The following ARK2N variants were observed in gnomAD, a reference collection of about 807,000 sequenced individuals.
ARK2N encodes the protein arkadia (RNF111) N-terminal like PKA signaling regulator 2N.
At chr18:46,217,422 A>G in the ARK2N span, 5 of 152,324 alleles carry the variant, frequency 3.3e-5, no homozygotes, top group African/African-American at 1.2e-4. Flanking sequence ...TATGATCAGG[A>G]ACATTTTGTA....
the ARK2N span, chr18:46,264,855 G>C: frequency 6.7e-6 from 1 of 149,374 alleles, no homozygotes; most frequent in African/African-American, 2.5e-5. Flanking sequence ...GATCTTCTCT[G>C]ATAGCATCTC....
At chr18:46,181,912 T>A in the ARK2N span, among the ~76,000 whole-genome samples, 1 of 152,112 alleles carries the variant, frequency 6.6e-6, no homozygotes, top group African/African-American at 2.4e-5. Context: ...CTGGCTGAAA[T>A]TAAGTTTTTA....
the ARK2N span, chr18:46,173,919 A>C: frequency 6.6e-6 from 1 of 152,168 alleles, no homozygotes; most frequent in Admixed American, 6.5e-5. Context: ...CGCGGGTTCC[A>C]TCGCGCCAGA....
the ARK2N span, among the ~76,000 whole-genome samples, chr18:46,252,290 T>C: frequency 6.6e-6 from 1 of 152,100 alleles, no homozygotes. Context: ...TTCTTTTTTT[T>C]TTGAGACAGA....
chr18:46,188,980 C>T, the ARK2N span, among the ~76,000 whole-genome samples: 8 of 152,076 alleles, frequency 5.3e-5, no homozygotes, highest in Admixed American at 1.3e-4. Flanking sequence ...TTTGGGAGGC[C>T]GAGGCGGGTG....
the ARK2N span, among the ~76,000 whole-genome samples, chr18:46,181,133 G>C: frequency 1.4e-4 from 21 of 152,046 alleles, no homozygotes; most frequent in Middle Eastern, 6.3e-3. Context: ...GGTGGTGCAC[G>C]CCTGTAATCC....
the ARK2N span, among the ~76,000 whole-genome samples, chr18:46,260,446 C>G: frequency 4.6e-5 from 7 of 152,262 alleles, no homozygotes; most frequent in East Asian, 1.4e-3. Flanking sequence ...GTTGTTCCAT[C>G]ATCTTAGGCT....
At chr18:46,216,021 G>A in the ARK2N span, 344 of 1,614,036 alleles carry the variant, frequency 2.1e-4, 3 homozygotes, top group Non-Finnish European at 5.5e-5. This position sits in a 1 kb window ranked among gnomAD's most constrained non-coding sequence, Gnocchi z 4.3. Flanking sequence ...ATGGTGTAGC[G>A]GATTCTACAG....
At chr18:46,179,578 C>CAGGA in the ARK2N span, among the ~76,000 whole-genome samples, 3 of 151,730 alleles carry the variant, frequency 2.0e-5, no homozygotes, top group Admixed American at 6.6e-5. Flanking sequence ...AAGTAAGGAG[C>CAGGA]AGGAGCAGGG....
chr18:46,256,905 TAGGAGA>T, the ARK2N span, among the ~76,000 whole-genome samples: 1 of 152,190 alleles, frequency 6.6e-6, no homozygotes, highest in South Asian at 2.1e-4. Flanking sequence ...GAGAAGCAAG[TAGGAGA>T]AGAGGCTTTC....
chr18:46,217,380 G>T, the ARK2N span: 6 of 152,300 alleles, frequency 3.9e-5, no homozygotes. Context: ...TTCTTAAGTA[G>T]TGAATTCTTA....
chr18:46,254,581 CAT>C, the ARK2N span, among the ~76,000 whole-genome samples: 13 of 152,212 alleles, frequency 8.5e-5, no homozygotes, highest in East Asian at 9.7e-4. Flanking sequence ...TACTTTGTGA[CAT>C]GTGAAAATTA....
chr18:46,192,670 G>A, the ARK2N span, among the ~76,000 whole-genome samples: 16 of 151,578 alleles, frequency 1.1e-4, no homozygotes, highest in East Asian at 2.9e-3. Context: ...AGGTTCAAGC[G>A]ATTCTCCTGC....
At chr18:46,244,404 C>A in the ARK2N span, among the ~76,000 whole-genome samples, 18 of 152,098 alleles carry the variant, frequency 1.2e-4, 1 homozygote, top group South Asian at 2.5e-3. Flanking sequence ...CCCATCCTTA[C>A]AATAGGGATG....
the ARK2N span, chr18:46,231,829 A>ACTG: frequency 6.7e-6 from 1 of 150,266 alleles, no homozygotes; most frequent in Non-Finnish European, 1.5e-5. Flanking sequence ...ATCTCGGCTC[A>ACTG]CTGCAACCTC....
the ARK2N span, among the ~76,000 whole-genome samples, chr18:46,214,815 C>G: frequency 6.6e-6 from 1 of 152,128 alleles, no homozygotes; most frequent in Admixed American, 6.5e-5. Context: ...GATAAAACAT[C>G]TATTTAAACA....
chr18:46,198,417 C>T, the ARK2N span, among the ~76,000 whole-genome samples: 1 of 150,116 alleles, frequency 6.7e-6, no homozygotes, highest in Admixed American at 6.7e-5. Flanking sequence ...GTCCATAAAA[C>T]GAAGAACTAT....
the ARK2N span, among the ~76,000 whole-genome samples, chr18:46,213,082 A>G: frequency 7.0e-6 from 1 of 143,254 alleles, no homozygotes; most frequent in East Asian, 2.2e-4. Flanking sequence ...GCTCACTGCA[A>G]GCTCCACCTC....
chr18:46,223,391 C>T, the ARK2N span, among the ~76,000 whole-genome samples: 6 of 152,150 alleles, frequency 3.9e-5, no homozygotes, highest in Admixed American at 6.5e-5. Flanking sequence ...GGTTGGTGAC[C>T]GACTTCATGA....
Sources: allele counts gnomAD v4.1 joint callset (sites outside exome capture counted in the v4.1 genomes callset), GRCh38; gene constraint gnomAD v4.1.1; non-coding constraint Gnocchi (gnomAD v3.1); transcripts MANE v1.5; gene names NCBI Gene and HGNC (gene_info 2026-07-23, HGNC 2026-07-21).